The following SCFD2 variants were observed in gnomAD, a reference collection of about 807,000 sequenced individuals.
The protein encoded by SCFD2 is sec1 family domain containing 2.
A neutral mutation model predicts 58.9 loss-of-function variants in SCFD2; 54 were observed. The observed-to-expected ratio is 0.92, with a 90% CI of 0.74 to 1.15. SCFD2 has a LOEUF of 1.15. Among genes scored for constraint, SCFD2 ranks in the 50% most tolerant of loss-of-function variants. SCFD2 has a pLI of 0.00. For missense variants in SCFD2, 805 were observed against 836.6 expected, an observed-to-expected ratio of 0.96 and a Z score of 0.47; for synonymous variants, 321 against 335.9, an observed-to-expected ratio of 0.96 and a Z score of 0.49.
chr4:52,978,326 G>C (rs543722877), intron 5 of SCFD2, among the ~76,000 whole-genome samples: 188 of 152,276 alleles, frequency 1.2e-3, no homozygotes, highest in Middle Eastern at 6.8e-3. Flanking sequence ...TGTTCTCCCA[G>C]TGTTTGATGC....
In SCFD2 at chr4:52,874,056, G is replaced by C. The variant is rs761246493; in HGVS notation, c.1968C>G (p.Ile656Met). 6.2e-7 allele frequency: 1 copy of C among 1,612,308 alleles called. No homozygotes were observed. The highest frequency in any genetic ancestry group is 1.7e-5 in the Admixed American group (1 of 59,996). ...VASLKPGTQV[I>M]VLSTRLLKPL... is the part of the protein sequence containing the mutation. ...GCTTCAGGAGTCGTGTGGACAGCAC[G>C]ATTACCTAACAACAGGAGAGGGCAA... is the stretch of plus-strand genomic sequence containing the variant. The change falls in exon 9 of 9, where the codon ATC becomes ATG. Residue 656 changes from isoleucine to methionine, a missense_variant. Ile to Met is a conservative substitution (Grantham distance 10, BLOSUM62 1). This residue lies in a region of SCFD2 where 633 missense variants were observed against 646.8 expected (regional missense o/e 0.98). Transcript: ENST00000401642.
chr4:53,124,415 T>G (rs1172230391), intron 5 of SCFD2, among the ~76,000 whole-genome samples: 1 of 152,166 alleles, frequency 6.6e-6, no homozygotes, highest in African/African-American at 2.4e-5. Context: ...TAAGTGTCCT[T>G]CTCTTGTGAA....
At chr4:53,086,168 C>T (rs142527574) in intron 5 of SCFD2, among the ~76,000 whole-genome samples, 4 of 152,030 alleles carry the variant, frequency 2.6e-5, no homozygotes, top group Admixed American at 6.6e-5. Flanking sequence ...ACGAGGAGCT[C>T]GAACAATTGT....
chr4:53,016,477 C>T lies in SCFD2; in HGVS notation c.1562-95607G>A, dbSNP rs532196246. On this transcript the variant is annotated intron_variant, in intron 5 of 8. Transcript: ENST00000401642. ...AGTAGATTAAGAAAAATTAGACCAA[C>T]GGTATACTGTTATAATATGAATCTT... Among the ~76,000 whole-genome samples, 43 of 152,270 alleles carry T rather than the reference C, an allele frequency of 2.8e-4. No homozygotes were observed. In the South Asian group the frequency reaches 7.3e-3, roughly 26 times the overall value.
At chr4:53,231,413 T>C (rs954996754) in intron 4 of SCFD2, among the ~76,000 whole-genome samples, 1 of 152,218 alleles carries the variant, frequency 6.6e-6, no homozygotes, top group Non-Finnish European at 1.5e-5. Flanking sequence ...GAATGGATTT[T>C]ATGTTCTGGT....
intron 5 of SCFD2, among the ~76,000 whole-genome samples, chr4:52,967,916 A>T (rs1720997308): frequency 6.6e-6 from 1 of 151,882 alleles, no homozygotes; most frequent in South Asian, 2.1e-4. Flanking sequence ...TTCCAATATA[A>T]CTTCAGCCGG....
intron 4 of SCFD2, among the ~76,000 whole-genome samples, chr4:53,232,326 G>A (rs1340914172): frequency 1.3e-5 from 2 of 152,050 alleles, no homozygotes; most frequent in African/African-American, 2.4e-5. Flanking sequence ...TAATCACATG[G>A]ATGGATAACA....
intron 3 of SCFD2, among the ~76,000 whole-genome samples, chr4:53,287,765 T>C (rs368217717): frequency 2.4e-4 from 36 of 152,190 alleles, no homozygotes; most frequent in African/African-American, 8.7e-4. Flanking sequence ...ATGAATTGCC[T>C]AAAAAGAAAT....
chr4:52,971,059 G>T (rs1333698710), intron 5 of SCFD2, among the ~76,000 whole-genome samples: 1 of 152,162 alleles, frequency 6.6e-6, no homozygotes, highest in East Asian at 1.9e-4. Flanking sequence ...AATCCACAAA[G>T]ATGGGGAAAA....
chr4:52,896,002 T>C (rs1718998944), intron 7 of SCFD2, among the ~76,000 whole-genome samples: 1 of 152,222 alleles, frequency 6.6e-6, no homozygotes, highest in Non-Finnish European at 1.5e-5. Flanking sequence ...CACTTTTTGA[T>C]GGGGTTGTTT....
chr4:53,243,475 A>G (rs1229099403), intron 4 of SCFD2, among the ~76,000 whole-genome samples: 1 of 152,206 alleles, frequency 6.6e-6, no homozygotes, highest in Non-Finnish European at 1.5e-5. Flanking sequence ...AATATCTGAA[A>G]AAAACACTAA....
intron 5 of SCFD2, among the ~76,000 whole-genome samples, chr4:53,080,420 A>G (rs1371207333): frequency 1.3e-5 from 2 of 152,186 alleles, no homozygotes; most frequent in Non-Finnish European, 2.9e-5. Flanking sequence ...CAATAAAAAA[A>G]CTATTAAATT....
At chr4:53,223,705 G>T (rs12639785) in intron 4 of SCFD2, among the ~76,000 whole-genome samples, 1 of 152,098 alleles carries the variant, frequency 6.6e-6, no homozygotes, top group Non-Finnish European at 1.5e-5. Flanking sequence ...ATGAGCCACC[G>T]CAAATAAGTC....
At chr4:53,195,876 G>A (rs1394462281) in intron 4 of SCFD2, among the ~76,000 whole-genome samples, 1 of 152,100 alleles carries the variant, frequency 6.6e-6, no homozygotes, top group African/African-American at 2.4e-5. Context: ...CAGAAATCTA[G>A]CTCAAGACTT....
intron 5 of SCFD2, among the ~76,000 whole-genome samples, chr4:53,021,786 C>T (rs1722355033): frequency 6.6e-6 from 1 of 152,106 alleles, no homozygotes; most frequent in African/African-American, 2.4e-5. Flanking sequence ...ATTTTAGATA[C>T]TTCAGCAAAA....
chr4:53,247,609 C>T (rs1417672174), intron 4 of SCFD2, among the ~76,000 whole-genome samples: 9 of 152,030 alleles, frequency 5.9e-5, no homozygotes, highest in African/African-American at 1.7e-4. Flanking sequence ...CCTGTAATCC[C>T]AGCACTTTGG....
At chr4:52,957,897 C>T (rs1262284134) in intron 5 of SCFD2, 3 of 152,162 alleles carry the variant, frequency 2.0e-5, no homozygotes, top group Non-Finnish European at 4.4e-5. Context: ...AAGTTAACCA[C>T]CTCAAGCGGG....
intron 5 of SCFD2, among the ~76,000 whole-genome samples, chr4:53,114,730 G>A (rs1725272751): frequency 6.6e-6 from 1 of 152,088 alleles, no homozygotes; most frequent in African/African-American, 2.4e-5. Flanking sequence ...AGAAGGAAAA[G>A]TGGAACATCA....
At chr4:53,228,697 T>C (rs3986374) in intron 4 of SCFD2, among the ~76,000 whole-genome samples, 147,412 of 150,972 alleles carry the variant, frequency 0.98, 72,069 homozygotes, top group Middle Eastern at 1. Context: ...AGCATTCCCT[T>C]TGAAAACTGG....
Sources: allele counts gnomAD v4.1 joint callset (sites outside exome capture counted in the v4.1 genomes callset), GRCh38; gene constraint gnomAD v4.1.1; regional missense constraint gnomAD v4.1.1; transcripts MANE v1.5; gene names NCBI Gene and HGNC (gene_info 2026-07-23, HGNC 2026-07-21).